SYT13: variants seen among roughly 807,000 people sequenced by gnomAD.
SYT13 encodes synaptotagmin 13, also known as synaptotagmin-13.
SYT13 carries 21 observed loss-of-function variants against 38.6 expected under a neutral mutation model. That is an observed-to-expected ratio of 0.54 (90% CI 0.39 to 0.78). The LOEUF (loss-of-function observed/expected upper bound fraction) is 0.78, where lower values mean the gene tolerates loss of function less well. Ranked by LOEUF, SYT13 falls within the 30% of genes least tolerant of loss-of-function variation. The pLI, the probability that SYT13 is intolerant of heterozygous loss-of-function variation, is 0.00. For missense variants in SYT13, 495 were observed against 548.7 expected (o/e 0.90, Z 0.98); for synonymous variants, 241 against 237.6 (o/e 1.01, Z -0.13).
chr11:45,244,201 C>T lies in SYT13; in HGVS notation c.1132G>A (p.Val378Met), dbSNP rs777350878. 15 of 1,614,078 alleles carry T rather than the reference C, an allele frequency of 9.3e-6. No individual in the cohort carries two copies. In the South Asian group the frequency reaches 1.5e-4, roughly 17 times the overall value. ...LLQASSVELEVLGQDDSGQSC... is the reference protein window; with the variant it reads ...LLQASSVELEMLGQDDSGQSC... ...TGCCCTGAATCGTCCTGGCCCAGCA[C>T]TTCCAGCTCCACACTGGAGGCCTGC... The change falls in exon 6 of 6, where the codon GTG (valine) becomes ATG (methionine). Residue 378 changes from valine to methionine, a missense_variant. Val to Met is a conservative substitution (Grantham distance 21, BLOSUM62 1). Transcript: ENST00000020926.
intron 1 of SYT13, among the ~76,000 whole-genome samples, chr11:45,281,535 T>C (rs1160282373): frequency 1.3e-5 from 2 of 152,122 alleles, no homozygotes; most frequent in Admixed American, 1.3e-4. Flanking sequence ...GGCGTTGTGG[T>C]GCACACCTAT....
intron 4 of SYT13, among the ~76,000 whole-genome samples, chr11:45,247,654 C>G (rs1854629243): frequency 6.6e-6 from 1 of 152,186 alleles, no homozygotes; most frequent in South Asian, 2.1e-4. Flanking sequence ...TTCATCCATC[C>G]TGGACCAGGC....
chr11:45,270,733 A>C (rs1854939215), intron 1 of SYT13, among the ~76,000 whole-genome samples: 1 of 152,168 alleles, frequency 6.6e-6, no homozygotes, highest in African/African-American at 2.4e-5. Flanking sequence ...GTAGAAAAAA[A>C]GTGCAGGGAA....
chr11:45,250,291 TA>T (rs570796747), intron 4 of SYT13, among the ~76,000 whole-genome samples: 23 of 152,328 alleles, frequency 1.5e-4, no homozygotes, highest in Middle Eastern at 3.4e-3. Flanking sequence ...GTATGATAAT[TA>T]TTAGGATGGA....
In SYT13 at chr11:45,244,063, G is replaced by C; in HGVS notation, c.1270C>G (p.Leu424Val). 6.2e-7 allele frequency: 1 copy of C among 1,600,128 alleles called. No homozygotes were observed. The highest frequency in any genetic ancestry group is 8.5e-7 in the Non-Finnish European group (1 of 1,175,474). The change falls in exon 6 of 6, where the codon CTG (leucine) becomes GTG (valine). Residue 424 changes from leucine to valine, a missense_variant. Coordinates refer to ENST00000020926, the MANE Select transcript of SYT13 (RefSeq NM_020826.3). ...AGCTGGGCAGCTGGTTACAGGTGCA[G>C]CTGGTGCCACATGGCAATCTGCCGG... ...PRRQIAMWHQ[L>V]HL
At chr11:45,283,262 A>C (rs1033145557) in intron 1 of SYT13, among the ~76,000 whole-genome samples, 1 of 152,150 alleles carries the variant, frequency 6.6e-6, no homozygotes, top group African/African-American at 2.4e-5. Flanking sequence ...TAGCCTCCAA[A>C]CCCAAAGAAT....
At position 45,261,538 on chromosome 11, in the gene SYT13, C is replaced by T. The variant is rs1050350701; in HGVS notation, c.184-5647G>A. The stretch of plus-strand genomic sequence containing the variant: ...GCGTGAACCCAGAAGGCGGAGGTTG[C>T]AGTGAGCTGAGATCGCGCCACTGCA... On this transcript the variant is annotated intron_variant, in intron 1 of 5. Transcript: ENST00000020926. 2.6e-5 allele frequency among the ~76,000 whole-genome samples: 4 copies of T among 151,918 alleles called. No individual in the cohort carries two copies. The East Asian group carries it at 5.8e-4, about 22-fold the overall frequency.
At chr11:45,283,598 A>ATCTCAGCT (rs1855099316) in intron 1 of SYT13, among the ~76,000 whole-genome samples, 1 of 152,186 alleles carries the variant, frequency 6.6e-6, no homozygotes, top group Admixed American at 6.5e-5. Context: ...TCATTGTGAG[A>ATCTCAGCT]TCTCAGCTTC....
At chr11:45,268,750 G>A (rs1234704127) in intron 1 of SYT13, among the ~76,000 whole-genome samples, 2 of 152,182 alleles carry the variant, frequency 1.3e-5, no homozygotes, top group African/African-American at 4.8e-5. Flanking sequence ...ATGGTCTGTT[G>A]TCATTCCCAG....
Position 45,243,932 on chromosome 11 carries a change from C to T in SYT13, c.*120G>A, listed in dbSNP as rs1854582448. 4 of 1,094,334 alleles carry T rather than the reference C, an allele frequency of 3.7e-6. No individual in the cohort carries two copies. Among genetic ancestry groups the T allele is most frequent in the African/African-American group, 3.1e-5 (2 of 63,720 alleles). The allele number at this position is 1,094,334 out of a possible 1,614,324, so 67.8% of individuals were successfully genotyped here. ...CAAGAGTATGATGAGAGAGCCATCC[C>T]AGCCTTGCAAACACATCTGTCACTG... On this transcript the variant is annotated 3_prime_UTR_variant, in exon 6 of 6. Coordinates refer to ENST00000020926, the MANE Select transcript of SYT13 (RefSeq NM_020826.3).
intron 5 of SYT13, among the ~76,000 whole-genome samples, chr11:45,246,159 G>A (rs1854611574): frequency 6.6e-6 from 1 of 152,194 alleles, no homozygotes; most frequent in Non-Finnish European, 1.5e-5. Context: ...TAATGGATGG[G>A]ATTGATCCAA....
At chr11:45,245,654 G>A (rs1157253519) in intron 5 of SYT13, among the ~76,000 whole-genome samples, 2 of 152,242 alleles carry the variant, frequency 1.3e-5, no homozygotes, top group African/African-American at 4.8e-5. Context: ...AGCTGAGGAT[G>A]CTTTCCTGCT....
chr11:45,269,482 C>T (rs1854923445), intron 1 of SYT13: 3 of 1,286,852 alleles, frequency 2.3e-6, no homozygotes, highest in African/African-American at 3.0e-5. Context: ...GCCACCACCT[C>T]TGTAAACTTC....
At chr11:45,244,576 C>T (rs1854592629) in intron 5 of SYT13, among the ~76,000 whole-genome samples, 1 of 152,184 alleles carries the variant, frequency 6.6e-6, no homozygotes, top group Non-Finnish European at 1.5e-5. Flanking sequence ...GAAGGCTCTG[C>T]TATACCAGCA....
intron 4 of SYT13, among the ~76,000 whole-genome samples, chr11:45,247,917 C>CAT (rs1854632732): frequency 6.6e-6 from 1 of 152,172 alleles, no homozygotes; most frequent in Non-Finnish European, 1.5e-5. Flanking sequence ...TGAGAAAATG[C>CAT]ATATAGCAAG....
At chr11:45,274,069 T>C (rs1590529123) in intron 1 of SYT13, among the ~76,000 whole-genome samples, 1 of 152,186 alleles carries the variant, frequency 6.6e-6, no homozygotes, top group Non-Finnish European at 1.5e-5. Context: ...TAGGAGATGG[T>C]GGAGTCTGAA....
intron 1 of SYT13, among the ~76,000 whole-genome samples, chr11:45,279,055 T>G (rs1202060351): frequency 2.0e-5 from 3 of 152,222 alleles, no homozygotes; most frequent in South Asian, 4.1e-4. Flanking sequence ...TTATAGACAC[T>G]TTTATGCCAT....
At chr11:45,270,117 G>A (rs1854932420) in intron 1 of SYT13, among the ~76,000 whole-genome samples, 1 of 152,140 alleles carries the variant, frequency 6.6e-6, no homozygotes, top group Non-Finnish European at 1.5e-5. Context: ...CAAAATTTGA[G>A]TTTGCTTTCC....
At chr11:45,251,163 G>A (rs533257607) in intron 4 of SYT13, among the ~76,000 whole-genome samples, 6 of 151,946 alleles carry the variant, frequency 3.9e-5, no homozygotes, top group African/African-American at 1.4e-4. Flanking sequence ...GCTGAGGTGG[G>A]GTAGATCACA....
Sources: gnomAD v4.1 joint callset for allele counts (sites outside exome capture counted in the v4.1 genomes callset) on GRCh38, gnomAD v4.1.1 for gene constraint, MANE v1.5 for transcripts, NCBI Gene and HGNC (gene_info 2026-07-23, HGNC 2026-07-21) for gene names.